Variants in CALML4 observed in about 807,000 individuals in gnomAD.
CALML4 encodes the protein calmodulin-like protein 4.
In CALML4, 16 loss-of-function variants were observed where a neutral mutation model predicts 17.9. The observed-to-expected ratio is 0.89, with a 90% confidence interval of 0.61 to 1.36. The LOEUF is 1.36. Among genes scored for constraint, CALML4 ranks in the 40% most tolerant of loss-of-function variants. The pLI is 0.00. For missense variants in CALML4, 203 were observed against 194.8 expected (o/e 1.04, Z -0.25); for synonymous variants, 86 against 71.5 (o/e 1.20, Z -1.02).
In CALML4 at chr15:68,199,301, G is replaced by C. The variant is rs2093157014; in HGVS notation, c.175+240C>G. On this transcript the variant is annotated intron_variant, in intron 3 of 4. Coordinates refer to ENST00000467889, the MANE Select transcript of CALML4 (RefSeq NM_033429.3). ...GTCAGCGCGATTTTTCTCTGGGTTT[G>C]GTAAGTCTGTTGGAACGCCTAGATC... is the stretch of plus-strand genomic sequence containing the variant. 2.0e-5 allele frequency among the ~76,000 whole-genome samples: 3 copies of C among 152,258 alleles called. No homozygotes were observed. In the South Asian group the frequency reaches 6.2e-4, roughly 32 times the overall value.
rs1318241635 is a variant in CALML4, at chr15:68,204,306, G to C, written c.34+815C>G. ...AATTTTATCTCCAGTGGTCAGCGAA[G>C]GACTCACTGAGAAGGCGATGTTTCA... is the stretch of plus-strand genomic sequence containing the variant. On this transcript the variant is annotated intron_variant, in intron 2 of 4. Transcript: ENST00000467889. The surrounding 1 kb of genome is among the most constrained non-coding windows in gnomAD (Gnocchi z 6.0). Among the ~76,000 whole-genome samples the C allele has an allele frequency of 3.3e-5, 5 of 152,168 alleles. No individual in the cohort carries two copies. Among genetic ancestry groups the C allele is most frequent in the African/African-American group, 1.2e-4 (5 of 41,438 alleles).
chr15:68,205,734 G>C (rs1056648502), upstream of CALML4: 3 of 273,278 alleles, frequency 1.1e-5, no homozygotes, highest in South Asian at 1.3e-4. This position sits in a 1 kb window ranked among gnomAD's most constrained non-coding sequence, Gnocchi z 4.8. Flanking sequence ...ATGGGCACCG[G>C]GGCTCGCAGG....
chr15:68,197,456 C>T lies in CALML4; in HGVS notation c.348G>A (p.Lys116=), dbSNP rs780923053. 2.5e-6 allele frequency: 4 copies of T among 1,613,700 alleles called. No individual in the cohort carries two copies. Among genetic ancestry groups the T allele is most frequent in the East Asian group, 2.2e-5 (1 of 44,872 alleles). Residue 116 remains lysine, a synonymous_variant, in exon 4 of 5, where the codon AAG becomes AAA. Transcript: ENST00000467889. The surrounding 1 kb of genome is among the most constrained non-coding windows in gnomAD (Gnocchi z 4.1). Reference sequence around the variant, plus strand: ...GGCTGTTACCTTCCTTGTGGGTGAGCTTCTCCCCCAGACTCGTGAGTTTTG... The same window carrying T: ...GGCTGTTACCTTCCTTGTGGGTGAGTTTCTCCCCCAGACTCGTGAGTTTTG... ...LRSKLTSLGE[K]LTHKEVDDLF...
chr15:68,202,731 C>T (rs1331825777), intron 2 of CALML4, among the ~76,000 whole-genome samples: 1 of 150,990 alleles, frequency 6.6e-6, no homozygotes, highest in Non-Finnish European at 1.5e-5. Flanking sequence ...GCAGCCTCCA[C>T]CTCCCAGGTT....
intron 4 of CALML4, among the ~76,000 whole-genome samples, chr15:68,195,221 G>C (rs1013280685): frequency 1.3e-5 from 2 of 152,114 alleles, no homozygotes; most frequent in Admixed American, 1.3e-4. Flanking sequence ...TCACTGCCCT[G>C]TGTCAACTTC....
intron 3 of CALML4, chr15:68,198,324 G>A (rs1336839524): frequency 1.3e-5 from 2 of 152,302 alleles, no homozygotes; most frequent in African/African-American, 4.8e-5. Flanking sequence ...GCCCCAGGGT[G>A]GGCTCCCAGC....
chr15:68,197,827 C>T lies in CALML4; in HGVS notation c.176-199G>A, dbSNP rs1005910305. On this transcript the variant is annotated intron_variant, in intron 3 of 4. Transcript: ENST00000467889. This position sits in a 1 kb window ranked among gnomAD's most constrained non-coding sequence, Gnocchi z 4.1. ...CAGGCCCCTCACTGGACTGGACATT[C>T]TTCATTTCAGCAACGTCCTCAGTGA... 8.8e-6 allele frequency: 5 copies of T among 566,306 alleles called. No homozygotes were observed. In the East Asian group the frequency reaches 1.4e-4, roughly 16 times the overall value. The allele number at this position is 566,306 out of a possible 1,614,324, so 35.1% of individuals were successfully genotyped here. A position where few individuals can be genotyped will look rare whatever the true frequency, so the allele number is the denominator to read the frequency against.
rs1595806780 is a variant in CALML4 at position 68,193,046 on chromosome 15, G to GT, written c.*968dup. 6.6e-6 allele frequency: 1 copy of GT among 152,248 alleles called. No homozygotes were observed. The highest frequency in any genetic ancestry group is 6.5e-5 in the Admixed American group (1 of 15,288). 9.4% of individuals were successfully genotyped at this position (152,248 alleles called of 1,614,324 possible). Reference sequence around the variant, plus strand: ...CAGAAAGCCTAGTGCTCCTACTACTGTTTTCCAGGGCTGTTGTACCCTGGC... The same window carrying GT: ...CAGAAAGCCTAGTGCTCCTACTACTGTTTTTCCAGGGCTGTTGTACCCTGGC... On this transcript the variant is annotated 3_prime_UTR_variant, in exon 5 of 5. Transcript: ENST00000467889.
In CALML4 at chr15:68,200,864, T is replaced by C. The variant is rs577631543; in HGVS notation, c.35-1183A>G. Among the ~76,000 whole-genome samples, 1 of 152,278 alleles carries C rather than the reference T, an allele frequency of 6.6e-6. No homozygotes were observed. Among genetic ancestry groups the C allele is most frequent in the East Asian group, 1.9e-4 (1 of 5,172 alleles). Reference sequence around the variant, plus strand: ...TCGCTTCATCCCCACAACCCTGTGATGCGCCCCCTCATATTCCCATGTGCG... The same window carrying C: ...TCGCTTCATCCCCACAACCCTGTGACGCGCCCCCTCATATTCCCATGTGCG... On this transcript the variant is annotated intron_variant, in intron 2 of 4. Coordinates refer to ENST00000467889, the MANE Select transcript of CALML4 (RefSeq NM_033429.3). This position sits in a 1 kb window ranked among gnomAD's most constrained non-coding sequence, Gnocchi z 4.3.
intron 4 of CALML4, among the ~76,000 whole-genome samples, chr15:68,194,759 G>A (rs1431978938): frequency 6.6e-6 from 1 of 151,894 alleles, no homozygotes; most frequent in Admixed American, 6.6e-5. Flanking sequence ...CTTTGGCCTG[G>A]AGTTTTTACC....
chr15:68,205,754 C>T (rs948337905), upstream of CALML4: 48 of 259,000 alleles, frequency 1.9e-4, no homozygotes, highest in African/African-American at 1.0e-3. This position sits in a 1 kb window ranked among gnomAD's most constrained non-coding sequence, Gnocchi z 4.8. Context: ...GCTTGGGGCT[C>T]GGTATTGCAG....
intron 2 of CALML4, among the ~76,000 whole-genome samples, chr15:68,201,204 T>C (rs2093164554): frequency 6.6e-6 from 1 of 152,186 alleles, no homozygotes; most frequent in African/African-American, 2.4e-5. Flanking sequence ...ACAACTGCCC[T>C]TTCAGAACAT....
chr15:68,192,919 C>T lies in CALML4; in HGVS notation c.*1096G>A, dbSNP rs2093126880. ...GACTGTGCTGGCACTACGAATGATC[C>T]AGATTTGACAAGTGTATGGCACCTC... On this transcript the variant is annotated 3_prime_UTR_variant, in exon 5 of 5. Coordinates refer to ENST00000467889, the MANE Select transcript of CALML4 (RefSeq NM_033429.3). 6.6e-6 allele frequency: 1 copy of T among 152,174 alleles called. No individual in the cohort carries two copies. The highest frequency in any genetic ancestry group is 2.4e-5 in the African/African-American group (1 of 41,426). The allele number at this position is 152,174 out of a possible 1,614,324, so 9.4% of individuals were successfully genotyped here. A position where few individuals can be genotyped will look rare whatever the true frequency, so the allele number is the denominator to read the frequency against.
chr15:68,201,457 TG>T (rs2093165404), intron 2 of CALML4, among the ~76,000 whole-genome samples: 1 of 152,204 alleles, frequency 6.6e-6, no homozygotes, highest in Non-Finnish European at 1.5e-5. Context: ...GGGGTACCCC[TG>T]GGGACCTCTC....
In CALML4 at chr15:68,195,422, C is replaced by T. The variant is rs561385666; in HGVS notation, c.365-1310G>A. Among the ~76,000 whole-genome samples the T allele has an allele frequency of 1.2e-4, 19 of 152,306 alleles. No homozygotes were observed. The South Asian group carries it at 3.1e-3, about 25-fold the overall frequency. ...ATCTCATTTTGTGGAGAAGTTTCCA[C>T]AATCAGCCAGGTGGCTAAAACCATC... On this transcript the variant is annotated intron_variant, in intron 4 of 4. Transcript: ENST00000467889.
In CALML4 at chr15:68,193,778, T is replaced by G. The variant is rs922269768; in HGVS notation, c.*237A>C. On this transcript the variant is annotated 3_prime_UTR_variant, in exon 5 of 5. Transcript: ENST00000467889. Reference sequence around the variant, plus strand: ...TCCAAACCGCAGGCTCCTTCCATGCTTGAAAGGGCCGGACTCACGGTAGTT... The same window carrying G: ...TCCAAACCGCAGGCTCCTTCCATGCGTGAAAGGGCCGGACTCACGGTAGTT... The G allele has an allele frequency of 2.4e-6, 1 of 419,254 alleles. No individual in the cohort carries two copies. The highest frequency in any genetic ancestry group is 4.3e-6 in the Non-Finnish European group (1 of 231,796). 26.0% of individuals were successfully genotyped at this position (419,254 alleles called of 1,614,324 possible).
chr15:68,197,354 C>T lies in CALML4; in HGVS notation c.364+86G>A. Reference sequence around the variant, plus strand: ...CATCAACAGAGGTGGTCTGTACCACCCTGGTGGCATCAGCTAGGCTTTGGT... The same window carrying T: ...CATCAACAGAGGTGGTCTGTACCACTCTGGTGGCATCAGCTAGGCTTTGGT... On this transcript the variant is annotated intron_variant, in intron 4 of 4. Coordinates refer to ENST00000467889, the MANE Select transcript of CALML4 (RefSeq NM_033429.3). This position sits in a 1 kb window ranked among gnomAD's most constrained non-coding sequence, Gnocchi z 4.1. 7.3e-7 allele frequency: 1 copy of T among 1,364,892 alleles called. No homozygotes were observed. 84.5% of individuals were successfully genotyped at this position (1,364,892 alleles called of 1,614,324 possible). A position where few individuals can be genotyped will look rare whatever the true frequency, so the allele number is the denominator to read the frequency against.
At position 68,205,201 on chromosome 15, in the gene CALML4, A is replaced by G; in HGVS notation, c.3+44T>C. ...CAGGGGAGGGCTCCACCTGAGGTTCACGCCCCCAGCCCTGGCCAGGCCGAC... is the reference window on the plus strand; with the variant it reads ...CAGGGGAGGGCTCCACCTGAGGTTCGCGCCCCCAGCCCTGGCCAGGCCGAC... On this transcript the variant is annotated intron_variant, in intron 1 of 4. Transcript: ENST00000467889. The surrounding 1 kb of genome is among the most constrained non-coding windows in gnomAD (Gnocchi z 4.8). The G allele has an allele frequency of 6.2e-7, 1 of 1,614,088 alleles. No individual in the cohort carries two copies. Among genetic ancestry groups the G allele is most frequent in the Non-Finnish European group, 8.5e-7 (1 of 1,180,012 alleles).
chr15:68,197,466 A>T lies in CALML4; in HGVS notation c.338T>A (p.Leu113Gln). 6.2e-7 allele frequency: 1 copy of T among 1,614,078 alleles called. No individual in the cohort carries two copies. Among genetic ancestry groups the T allele is most frequent in the South Asian group, 1.1e-5 (1 of 91,082 alleles). The part of the protein sequence containing the change: ...ASDLRSKLTS[L>Q]GEKLTHKEVD... ...TTCCTTGTGGGTGAGCTTCTCCCCC[A>T]GACTCGTGAGTTTTGACCGCAGGTC... The change falls in exon 4 of 5, where the codon CTG (leucine) becomes CAG (glutamine). Residue 113 changes from leucine to glutamine, a missense_variant. Physicochemically the swap from Leu to Gln is moderately radical, Grantham distance 113. Transcript: ENST00000467889. This position sits in a 1 kb window ranked among gnomAD's most constrained non-coding sequence, Gnocchi z 4.1.
Sources: allele counts gnomAD v4.1 joint callset (sites outside exome capture counted in the v4.1 genomes callset), GRCh38; gene constraint gnomAD v4.1.1; non-coding constraint Gnocchi (gnomAD v3.1); transcripts MANE v1.5; gene names NCBI Gene and HGNC (gene_info 2026-07-23, HGNC 2026-07-21).